ADGRL3: variants seen among roughly 807,000 people sequenced by gnomAD.
ADGRL3 encodes calcium-independent alpha-latrotoxin receptor 3.
Under a neutral mutation model 153.5 loss-of-function variants are expected in ADGRL3, and 62 were observed. The observed-to-expected ratio is 0.40, with a 90% CI of 0.33 to 0.50. ADGRL3 has a LOEUF of 0.50. ADGRL3 is among the 20% of genes least tolerant of loss of function. ADGRL3 has a pLI of 0.47. For missense variants in ADGRL3, 1,641 were observed against 1,859.4 expected, an observed-to-expected ratio of 0.88 and a Z score of 2.16; for synonymous variants, 710 against 672.5, an observed-to-expected ratio of 1.06 and a Z score of -0.86.
intron 1 of ADGRL3, among the ~76,000 whole-genome samples, chr4:61,372,563 AC>A (rs2096547984): frequency 6.6e-6 from 1 of 152,196 alleles, no homozygotes; most frequent in South Asian, 2.1e-4. Flanking sequence ...TCAGCGATCC[AC>A]TTGAGGAGGC....
At chr4:61,707,023 A>C (rs1458038577) in intron 6 of ADGRL3, among the ~76,000 whole-genome samples, 1 of 152,172 alleles carries the variant, frequency 6.6e-6, no homozygotes, top group East Asian at 1.9e-4. Context: ...TTGCAGGATT[A>C]TTAAGTGGCT....
chr4:61,760,679 G>A (rs886563634), intron 8 of ADGRL3, among the ~76,000 whole-genome samples: 7 of 152,238 alleles, frequency 4.6e-5, no homozygotes, highest in Non-Finnish European at 8.8e-5. Flanking sequence ...CCCACTTTCC[G>A]ACACTCCCCA....
chr4:61,451,879 G>A (rs1259875884), intron 2 of ADGRL3, among the ~76,000 whole-genome samples: 1 of 152,108 alleles, frequency 6.6e-6, no homozygotes, highest in Admixed American at 6.6e-5. Context: ...GAAGTAATAG[G>A]AAGATATGAT....
chr4:61,748,832 A>G (rs1308213468), intron 8 of ADGRL3, among the ~76,000 whole-genome samples: 2 of 151,838 alleles, frequency 1.3e-5, no homozygotes, highest in African/African-American at 4.8e-5. Context: ...ACCAAAAGCA[A>G]TGGCAACAAA....
chr4:61,706,425 CA>C (rs56955396), intron 6 of ADGRL3, among the ~76,000 whole-genome samples: 65,256 of 129,824 alleles, frequency 0.5, 15,751 homozygotes, highest in East Asian at 0.77. Context: ...GACTCCCTCT[CA>C]AAAAAAAAAA....
At chr4:61,292,414 T>C (rs1396144939) in intron 1 of ADGRL3, among the ~76,000 whole-genome samples, 1 of 152,200 alleles carries the variant, frequency 6.6e-6, no homozygotes, top group Non-Finnish European at 1.5e-5. Context: ...CTACAACTTA[T>C]ATGAAAGAGA....
rs186311344 is a variant in ADGRL3, at chr4:61,378,867, A to G, written c.-239-4257A>G. On this transcript the variant is annotated intron_variant, in intron 1 of 26. Transcript: ENST00000683033. Reference sequence around the variant, plus strand: ...CTTGAATGGTCTTCTGAGAGGTACTATTGAGGTGTGTAGACCAGTGAGACA... The same window carrying G: ...CTTGAATGGTCTTCTGAGAGGTACTGTTGAGGTGTGTAGACCAGTGAGACA... Among the ~76,000 whole-genome samples the G allele has an allele frequency of 2.7e-3, 413 of 152,104 alleles. 1 individual carries two copies. Among genetic ancestry groups the G allele is most frequent in the Middle Eastern group, 0.014 (4 of 294 alleles).
intron 22 of ADGRL3, among the ~76,000 whole-genome samples, chr4:62,029,771 A>G (rs1184536346): frequency 6.8e-6 from 1 of 147,782 alleles, no homozygotes; most frequent in East Asian, 2.0e-4. Flanking sequence ...TGGGCCCATC[A>G]TGTGTTTTCC....
intron 8 of ADGRL3, among the ~76,000 whole-genome samples, chr4:61,735,951 ATG>A (rs1162175022): frequency 6.6e-6 from 1 of 152,122 alleles, no homozygotes; most frequent in African/African-American, 2.4e-5. Context: ...CCATAATCCC[ATG>A]TGTTTAAAAA....
chr4:61,899,398 C>T (rs1241621623), intron 11 of ADGRL3, among the ~76,000 whole-genome samples: 5 of 151,932 alleles, frequency 3.3e-5, no homozygotes, highest in Admixed American at 6.6e-5. Flanking sequence ...AAATAGATAT[C>T]TTTAATGTTT....
At chr4:61,298,554 A>G (rs1404165698) in intron 1 of ADGRL3, among the ~76,000 whole-genome samples, 1 of 152,182 alleles carries the variant, frequency 6.6e-6, no homozygotes, top group Non-Finnish European at 1.5e-5. Flanking sequence ...TTTATCATTC[A>G]CATTCTCTGC....
intron 8 of ADGRL3, among the ~76,000 whole-genome samples, chr4:61,752,397 TATGGAAAACC>T (rs931200273): frequency 6.6e-6 from 1 of 152,172 alleles, no homozygotes; most frequent in Non-Finnish European, 1.5e-5. Context: ...AGCATATTAT[TATGGAAAACC>T]ATGGAAAAAT....
chr4:61,669,048 G>C (rs1245031686), intron 5 of ADGRL3, among the ~76,000 whole-genome samples: 1 of 152,146 alleles, frequency 6.6e-6, no homozygotes, highest in Non-Finnish European at 1.5e-5. Flanking sequence ...GCCAGATTAA[G>C]AGTCTTATTA....
At chr4:61,345,540 C>G (rs2095883204) in intron 1 of ADGRL3, among the ~76,000 whole-genome samples, 1 of 152,070 alleles carries the variant, frequency 6.6e-6, no homozygotes, top group South Asian at 2.1e-4. Context: ...AACTTAATAG[C>G]AAAAGCTCTA....
intron 6 of ADGRL3, among the ~76,000 whole-genome samples, chr4:61,705,331 G>A (rs967861796): frequency 6.6e-6 from 1 of 151,786 alleles, no homozygotes; most frequent in South Asian, 2.1e-4. Flanking sequence ...GAGCTTTGAG[G>A]TGGCTAGGTA....
At chr4:61,995,184 G>T (rs190497751) in intron 19 of ADGRL3, among the ~76,000 whole-genome samples, 74 of 150,710 alleles carry the variant, frequency 4.9e-4, no homozygotes, top group East Asian at 1.8e-3. Context: ...TATTACAGAT[G>T]TGAGACACCA....
intron 1 of ADGRL3, among the ~76,000 whole-genome samples, chr4:61,304,594 T>A (rs2094703638): frequency 6.6e-6 from 1 of 152,200 alleles, no homozygotes; most frequent in Admixed American, 6.5e-5. Flanking sequence ...GTTTTAACTT[T>A]CACATTTTCA....
intron 1 of ADGRL3, among the ~76,000 whole-genome samples, chr4:61,212,913 A>T (rs1448970499): frequency 6.6e-6 from 1 of 152,110 alleles, no homozygotes; most frequent in Non-Finnish European, 1.5e-5. Context: ...CGTTTGATTA[A>T]ATGTGTGATC....
intron 1 of ADGRL3, among the ~76,000 whole-genome samples, chr4:61,333,773 AATTT>A (rs1455625604): frequency 6.6e-6 from 1 of 151,656 alleles, no homozygotes; most frequent in Non-Finnish European, 1.5e-5. Flanking sequence ...TTAATTAATT[AATTT>A]ATTAATGTAT....
Sources: gnomAD v4.1 joint callset for allele counts (sites outside exome capture counted in the v4.1 genomes callset) on GRCh38, gnomAD v4.1.1 for gene constraint, MANE v1.5 for transcripts, NCBI Gene and HGNC (gene_info 2026-07-23, HGNC 2026-07-21) for gene names.